TBC1D24: variants seen among roughly 807,000 people sequenced by gnomAD.
TBC1D24 encodes TBC1 domain family member 24.
A neutral mutation model predicts 50.7 loss-of-function variants in TBC1D24; 47 were observed. The ratio of observed to expected loss-of-function variants is 0.93; its 90% confidence interval spans 0.73 to 1.18. The LOEUF is 1.18. Among genes scored for constraint, TBC1D24 ranks in the 50% most tolerant of loss-of-function variants. The pLI is 0.00. For synonymous variants in TBC1D24, 324 were observed against 335.2 expected, an observed-to-expected ratio of 0.97 and a Z score of 0.36; for missense variants, 688 against 766.5, an observed-to-expected ratio of 0.90 and a Z score of 1.21.
At chr16:2,492,687 A>C (rs563330078) in intron 1 of TBC1D24, among the ~76,000 whole-genome samples, 2 of 152,282 alleles carry the variant, frequency 1.3e-5, no homozygotes, top group African/African-American at 4.8e-5. Flanking sequence ...AGGACCAGGG[A>C]AAGGGGGAGC....
At chr16:2,498,428 G>A in intron 4 of TBC1D24, 32 bp downstream of exon 4, 1 of 1,574,724 alleles carries the variant, frequency 6.4e-7, no homozygotes, top group Non-Finnish European at 8.6e-7. Context: ...GCGGGCGGCA[G>A]AGCCGCCCAG....
rs1041369549 is a variant in TBC1D24 at position 2,483,282 on chromosome 16, G to T, written c.-116+8112G>T. ...ACCGGGGGCTGGGCCACTGGAAACC[G>T]CTGAGCAGGCGGCAGGACTTCTCCC... On this transcript the variant is annotated intron_variant, in intron 1 of 7. Transcript: ENST00000646147. The surrounding 1 kb of genome is among the most constrained non-coding windows in gnomAD (Gnocchi z 4.0). 1 of 152,420 alleles carries T rather than the reference G, an allele frequency of 6.6e-6. No individual in the cohort carries two copies. Among genetic ancestry groups the T allele is most frequent in the Non-Finnish European group, 1.5e-5 (1 of 68,178 alleles). The allele number at this position is 152,420 out of a possible 1,614,324, so 9.4% of individuals were successfully genotyped here. A position where few individuals can be genotyped will look rare whatever the true frequency, so the allele number is the denominator to read the frequency against.
At position 2,500,446 on chromosome 16, in the gene TBC1D24, C is replaced by T. The variant is rs2065783094; in HGVS notation, c.1481C>T (p.Thr494Ile). 1 of 1,600,094 alleles carries T rather than the reference C, an allele frequency of 6.2e-7. No individual in the cohort carries two copies. Among genetic ancestry groups the T allele is most frequent in the African/African-American group, 1.3e-5 (1 of 74,646 alleles). Residue 494 changes from threonine (T) to isoleucine (I), a missense_variant, in exon 7 of 8, where the codon ACC becomes ATC. Transcript: ENST00000646147. This position sits in a 1 kb window ranked among gnomAD's most constrained non-coding sequence, Gnocchi z 8.0. Reference protein sequence around the residue: ...AARHFNLPSKTESMFMAGGSD... With the variant: ...AARHFNLPSKIESMFMAGGSD... ...CGCCACTTCAACCTGCCCTCCAAGA[C>T]CGAGTCCATGTTCATGGCGGGGGGC... is the stretch of plus-strand genomic sequence containing the variant.
In TBC1D24 at chr16:2,499,921, TGTGTTTAGG is replaced by T. The variant is rs1210032922; in HGVS notation, c.1297_1302+3del. The T allele has an allele frequency of 6.2e-7, 1 of 1,613,854 alleles. No individual in the cohort carries two copies. On this transcript the variant is annotated inframe_deletion and splice_region_variant, in exon 6 of 8. Transcript: ENST00000646147. This position sits in a 1 kb window ranked among gnomAD's most constrained non-coding sequence, Gnocchi z 4.0. Reference sequence around the variant, plus strand: ...GCTTCTTTGGGACCGGAGAATGCTTTGTGTTTAGGGTGAGTGGGGCCAAGTGTCCCCAAA... The same window carrying T: ...GCTTCTTTGGGACCGGAGAATGCTTTGTGAGTGGGGCCAAGTGTCCCCAAA...
At chr16:2,488,752 C>CTT (rs112675396) in intron 1 of TBC1D24, among the ~76,000 whole-genome samples, 137 of 120,474 alleles carry the variant, frequency 1.1e-3, no homozygotes, top group African/African-American at 3.9e-3. Flanking sequence ...CACCTGGCTG[C>CTT]TTTTTTTTTT....
chr16:2,496,838 CG>C lies in TBC1D24; in HGVS notation c.691del (p.Val231SerfsTer24). 1 of 1,614,106 alleles carries C rather than the reference CG, an allele frequency of 6.2e-7. No individual in the cohort carries two copies. Among genetic ancestry groups the C allele is most frequent in the South Asian group, 1.1e-5 (1 of 91,084 alleles). Reference sequence around the variant, plus strand: ...TCTGCTACTTCGCCCGGGTCTTTGACGTCTTCCTGGTGGAGGGCTACAAGGT... The same window carrying C: ...TCTGCTACTTCGCCCGGGTCTTTGACTCTTCCTGGTGGAGGGCTACAAGGT... ...PLCYFARVFDVFLVEGYKVLY... is the reference protein window; with the variant it reads ...PLCYFARVFDXFLVEGYKVLY... On this transcript the variant is annotated frameshift_variant, in exon 2 of 8. Transcript: ENST00000646147. LOFTEE classifies it high-confidence loss of function.
At chr16:2,498,991 C>A (rs553460218) in intron 4 of TBC1D24, among the ~76,000 whole-genome samples, 1 of 152,238 alleles carries the variant, frequency 6.6e-6, no homozygotes, top group South Asian at 2.1e-4. Flanking sequence ...AAGCTCCAGG[C>A]GCCACGTTGG....
chr16:2,477,524 C>G (rs1240904180), intron 1 of TBC1D24: 1 of 152,258 alleles, frequency 6.6e-6, no homozygotes, highest in Non-Finnish European at 1.5e-5. Flanking sequence ...GTGATTGTGC[C>G]ACTGCACTCA....
rs1596969717 is a variant in TBC1D24 at position 2,497,729 on chromosome 16, T to C, written c.983+2T>C. On this transcript the variant is annotated splice_donor_variant, in intron 3 of 7. Transcript: ENST00000646147. LOFTEE classifies it high-confidence loss of function. ...TTTCAGTGTGTCACTTTCTAAAAGG[T>C]AGGTCTGAAACTGTATCTGCACACC... is the stretch of plus-strand genomic sequence containing the variant. The C allele has an allele frequency of 6.5e-7, 1 of 1,536,138 alleles. No individual in the cohort carries two copies. The highest frequency in any genetic ancestry group is 1.2e-5 in the South Asian group (1 of 84,062).
chr16:2,489,987 C>T (rs1209785796), intron 1 of TBC1D24, among the ~76,000 whole-genome samples: 3 of 152,232 alleles, frequency 2.0e-5, no homozygotes, highest in East Asian at 1.9e-4. Flanking sequence ...CGCAGCCAGC[C>T]TGTTCCTCCC....
chr16:2,500,042 A>C lies in TBC1D24; in HGVS notation c.1302+112A>C. ...TTGGGTGTCGCCATGGCAGTCACCC[A>C]GCAGCGTCATCGCCCTGTGTGCTTC... On this transcript the variant is annotated intron_variant, in intron 6 of 7. Transcript: ENST00000646147. The surrounding 1 kb of genome is among the most constrained non-coding windows in gnomAD (Gnocchi z 8.0). 1 of 1,068,584 alleles carries C rather than the reference A, an allele frequency of 9.4e-7. No homozygotes were observed. Among genetic ancestry groups the C allele is most frequent in the Middle Eastern group, 2.0e-4 (1 of 5,020 alleles). The allele number at this position is 1,068,584 out of a possible 1,614,324, so 66.2% of individuals were successfully genotyped here.
Position 2,504,414 on chromosome 16 carries a change from C to CTTTTTTTTTTTTTTT in TBC1D24, c.*3464_*3478dup, listed in dbSNP as rs901354911. 27 of 125,662 alleles carry CTTTTTTTTTTTTTTT rather than the reference C, an allele frequency of 2.1e-4. No homozygotes were observed. Among genetic ancestry groups the CTTTTTTTTTTTTTTT allele is most frequent in the African/African-American group, 8.3e-4 (25 of 29,988 alleles). The allele number at this position is 125,662 out of a possible 1,614,324, so 7.8% of individuals were successfully genotyped here. On this transcript the variant is annotated 3_prime_UTR_variant, in exon 8 of 8. Coordinates refer to ENST00000646147, the MANE Select transcript of TBC1D24 (RefSeq NM_001199107.2). ...AACCACAGGCCTATTGAGATTGTCC[C>CTTTTTTTTTTTTTTT]TTTTTTTTTTTTTTTTTTTTTTGAG...
intron 1 of TBC1D24, among the ~76,000 whole-genome samples, chr16:2,495,115 G>T (rs1224877684): frequency 6.6e-6 from 1 of 152,160 alleles, no homozygotes; most frequent in Non-Finnish European, 1.5e-5. Flanking sequence ...CACTTTGGGA[G>T]GCTGTGGTGG....
At position 2,482,360 on chromosome 16, in the gene TBC1D24, C is replaced by T. The variant is rs538725994; in HGVS notation, c.-116+7190C>T. On this transcript the variant is annotated intron_variant, in intron 1 of 7. Coordinates refer to ENST00000646147, the MANE Select transcript of TBC1D24 (RefSeq NM_001199107.2). This position sits in a 1 kb window ranked among gnomAD's most constrained non-coding sequence, Gnocchi z 5.2. ...GGTGAGGACAGATGTGGACAGGAGG[C>T]GTGGAGCTCTGTGACGCCTTGGCCC... Among the ~76,000 whole-genome samples, 16 of 152,102 alleles carry T rather than the reference C, an allele frequency of 1.1e-4. No individual in the cohort carries two copies. Among genetic ancestry groups the T allele is most frequent in the Non-Finnish European group, 1.9e-4 (13 of 68,022 alleles).
At position 2,501,108 on chromosome 16, in the gene TBC1D24, C is replaced by A; in HGVS notation, c.*150C>A. 1 of 975,080 alleles carries A rather than the reference C, an allele frequency of 1.0e-6. No homozygotes were observed. Among genetic ancestry groups the A allele is most frequent in the South Asian group, 1.6e-5 (1 of 62,936 alleles). The allele number at this position is 975,080 out of a possible 1,614,324, so 60.4% of individuals were successfully genotyped here. A position where few individuals can be genotyped will look rare whatever the true frequency, so the allele number is the denominator to read the frequency against. ...ATGGCCAAGCCTGGCGTTGCCTGGA[C>A]CTGCTGCTGCCTCTACCTGGGGTTT... On this transcript the variant is annotated 3_prime_UTR_variant, in exon 8 of 8. Transcript: ENST00000646147.
chr16:2,475,217 T>G lies in TBC1D24; in HGVS notation c.-116+47T>G, dbSNP rs866645650. The G allele has an allele frequency of 2.2e-4, 28 of 128,774 alleles. No individual in the cohort carries two copies. The highest frequency in any genetic ancestry group is 3.7e-4 in the African/African-American group (13 of 35,234). 8.0% of individuals were successfully genotyped at this position (128,774 alleles called of 1,614,324 possible). A position where few individuals can be genotyped will look rare whatever the true frequency, so the allele number is the denominator to read the frequency against. On this transcript the variant is annotated intron_variant, in intron 1 of 7. Transcript: ENST00000646147. The surrounding 1 kb of genome is among the most constrained non-coding windows in gnomAD (Gnocchi z 4.2). ...GGGGGGCGCGCGGCGGGGTGGCGGG[T>G]GGCGGGGCCGGGTCCCCGCTGTCAC...
chr16:2,494,884 A>G (rs921465995), intron 1 of TBC1D24, among the ~76,000 whole-genome samples: 1 of 152,096 alleles, frequency 6.6e-6, no homozygotes, highest in African/African-American at 2.4e-5. Context: ...ACTTACACAA[A>G]GATTAAGGCA....
rs2065654019 is a variant in TBC1D24, at chr16:2,486,777, G to A, written c.-115-9257G>A. On this transcript the variant is annotated intron_variant, in intron 1 of 7. Transcript: ENST00000646147. This position sits in a 1 kb window ranked among gnomAD's most constrained non-coding sequence, Gnocchi z 5.8. ...AAACTGGCTTTGAAAACTTCACAGT[G>A]GAGCTTCCCTGGGCTGGAATTCTCT... Among the ~76,000 whole-genome samples the A allele has an allele frequency of 6.6e-6, 1 of 152,314 alleles. No individual in the cohort carries two copies. The highest frequency in any genetic ancestry group is 2.4e-5 in the African/African-American group (1 of 41,562).
rs969742265 is a variant in TBC1D24, at chr16:2,486,274, G to A, written c.-115-9760G>A. Among the ~76,000 whole-genome samples, 2 of 152,216 alleles carry A rather than the reference G, an allele frequency of 1.3e-5. No individual in the cohort carries two copies. The highest frequency in any genetic ancestry group is 1.5e-5 in the Non-Finnish European group (1 of 68,028). ...CTTCCTGTGGTCCCTAGCTGCGGGCGTTGGCGTTCCCCACCCATGGGGCCC... is the reference window on the plus strand; with the variant it reads ...CTTCCTGTGGTCCCTAGCTGCGGGCATTGGCGTTCCCCACCCATGGGGCCC... On this transcript the variant is annotated intron_variant, in intron 1 of 7. Coordinates refer to ENST00000646147, the MANE Select transcript of TBC1D24 (RefSeq NM_001199107.2). This position sits in a 1 kb window ranked among gnomAD's most constrained non-coding sequence, Gnocchi z 5.8.
Sources: allele counts gnomAD v4.1 joint callset (sites outside exome capture counted in the v4.1 genomes callset), GRCh38; gene constraint gnomAD v4.1.1; non-coding constraint Gnocchi (gnomAD v3.1); transcripts MANE v1.5; gene names NCBI Gene and HGNC (gene_info 2026-07-23, HGNC 2026-07-21).